PTCD3: variants seen among roughly 807,000 people sequenced by gnomAD.
PTCD3 encodes small ribosomal subunit protein mS39.
In PTCD3, 89 loss-of-function variants were observed where a neutral mutation model predicts 101.9. That is an observed-to-expected ratio of 0.87 (90% CI 0.74 to 1.04). PTCD3 has a LOEUF of 1.04. PTCD3 is among the 50% of genes least tolerant of loss of function. The pLI is 0.00. For missense variants in PTCD3, 870 were observed against 828.2 expected (o/e 1.05, Z -0.62); for synonymous variants, 296 against 278.5 (o/e 1.06, Z -0.63).
chr2:86,107,527 CATT>C (rs1388105621), intron 1 of PTCD3, among the ~76,000 whole-genome samples: 3 of 152,178 alleles, frequency 2.0e-5, no homozygotes, highest in African/African-American at 4.8e-5. Context: ...CTAACCGTCA[CATT>C]ATCTGTGGTG....
chr2:86,131,947 T>C (rs534448786), intron 16 of PTCD3, among the ~76,000 whole-genome samples: 32 of 152,372 alleles, frequency 2.1e-4, no homozygotes, highest in Non-Finnish European at 4.0e-4. Flanking sequence ...CAGGGTGTTT[T>C]ATTTGTTGGC....
chr2:86,131,219 T>A (rs778286609), intron 16 of PTCD3, 113 bp downstream of exon 16: 3 of 789,386 alleles, frequency 3.8e-6, no homozygotes, highest in Non-Finnish European at 5.8e-6. Flanking sequence ...TCTTTGCTTC[T>A]GTTTTTTCTT....
At chr2:86,114,183 T>A (rs1229749706) in intron 4 of PTCD3, among the ~76,000 whole-genome samples, 1 of 152,246 alleles carries the variant, frequency 6.6e-6, no homozygotes, top group Non-Finnish European at 1.5e-5. Context: ...CTGTGCTGGA[T>A]ATAGAATTAG....
intron 10 of PTCD3, 40 bp from the exon 11 acceptor site, chr2:86,125,415 A>G (rs779277365): frequency 6.3e-7 from 1 of 1,577,052 alleles, no homozygotes; most frequent in Admixed American, 1.7e-5. Flanking sequence ...GGACTTCTTA[A>G]GTAAATGAAT....
chr2:86,107,663 A>G (rs1472174074), intron 1 of PTCD3, among the ~76,000 whole-genome samples: 2 of 152,246 alleles, frequency 1.3e-5, no homozygotes, highest in East Asian at 3.8e-4. Context: ...GAAAATAGAA[A>G]ATATCAGCAA....
Position 86,137,915 on chromosome 2 carries a change from C to G in PTCD3, c.*356C>G. 4.3e-6 allele frequency: 1 copy of G among 234,932 alleles called. No individual in the cohort carries two copies. The allele number at this position is 234,932 out of a possible 1,614,324, so 14.6% of individuals were successfully genotyped here. A position where few individuals can be genotyped will look rare whatever the true frequency, so the allele number is the denominator to read the frequency against. On this transcript the variant is annotated 3_prime_UTR_variant, in exon 24 of 24. Transcript: ENST00000254630. ...CTCGTGCGATTGCCCTCTCCTGCTG[C>G]TGGACTTCTGCCTTTGTTGGCCTGA...
Position 86,130,744 on chromosome 2 carries a change from A to G in PTCD3, c.1237+7A>G. The stretch of plus-strand genomic sequence containing the variant: ...CCAAAGGACCCGGATGATGGCATGT[A>G]TAGAAATCACTTGTGTTTTCCTCCT... On this transcript the variant is annotated splice_region_variant and intron_variant, in intron 15 of 23. Coordinates refer to ENST00000254630, the MANE Select transcript of PTCD3 (RefSeq NM_017952.6). 6.2e-7 allele frequency: 1 copy of G among 1,613,170 alleles called. No individual in the cohort carries two copies. The highest frequency in any genetic ancestry group is 2.2e-5 in the East Asian group (1 of 44,864).
In PTCD3 at chr2:86,134,865, T is replaced by G. The variant is rs201179379; in HGVS notation, c.1656T>G (p.Ala552=). Residue 552 remains alanine, a synonymous_variant, in exon 21 of 24, where the codon GCT becomes GCG. Transcript: ENST00000254630. ...PELQVAFADC[A]ADIKSAYESQ... is the part of the protein sequence containing the mutation. ...TTCAGGTGGCATTTGCTGACTGTGC[T>G]GCTGATATCAAATCTGCGTATGAAA... 7.4e-6 allele frequency: 12 copies of G among 1,614,110 alleles called. No individual in the cohort carries two copies. Among genetic ancestry groups the G allele is most frequent in the Non-Finnish European group, 1.0e-5 (12 of 1,180,040 alleles).
rs149236941 is a variant in PTCD3 at position 86,119,038 on chromosome 2, C to T, written c.532C>T (p.Gln178Ter). ...ASVDMFDQLL[Q>*]AGTTVSLETT... ...TGTGGACATGTTTGATCAGCTTTTGCAAGCAGGTGACTGAGTTCGATTAAA... is the reference window on the plus strand; with the variant it reads ...TGTGGACATGTTTGATCAGCTTTTGTAAGCAGGTGACTGAGTTCGATTAAA... The change falls in exon 7 of 24, where the codon CAA becomes TAA. Residue 178 changes from glutamine to a stop codon, truncating the protein, a stop_gained. Coordinates refer to ENST00000254630, the MANE Select transcript of PTCD3 (RefSeq NM_017952.6). LOFTEE classifies it high-confidence loss of function. 30 of 1,613,548 alleles carry T rather than the reference C, an allele frequency of 1.9e-5. No homozygotes were observed. Among genetic ancestry groups the T allele is most frequent in the Non-Finnish European group, 2.5e-5 (30 of 1,179,920 alleles).
intron 15 of PTCD3, 93 bp downstream of exon 15, chr2:86,130,830 T>C: frequency 1.3e-6 from 2 of 1,496,318 alleles, no homozygotes; most frequent in Non-Finnish European, 1.8e-6. Flanking sequence ...CCCTATAGCT[T>C]AGAAGTATTT....
At position 86,106,332 on chromosome 2, in the gene PTCD3, G is replaced by C; in HGVS notation, c.85G>C (p.Glu29Gln). ...GACGGGTCGGCGGGCGGGTTTGTGT[G>C]AACAGGCACGCAGCTGCAGGTAAGA... ...PLTGRRAGLCEQARSCRFYSG... is the reference protein window; with the variant it reads ...PLTGRRAGLCQQARSCRFYSG... The change falls in exon 1 of 24, where the codon GAA (glutamate) becomes CAA (glutamine). Residue 29 changes from glutamate to glutamine, a missense_variant. Physicochemically the swap from Glu to Gln is conservative, Grantham distance 29. Transcript: ENST00000254630. 1 of 1,613,970 alleles carries C rather than the reference G, an allele frequency of 6.2e-7. No individual in the cohort carries two copies. Among genetic ancestry groups the C allele is most frequent in the Non-Finnish European group, 8.5e-7 (1 of 1,179,964 alleles).
intron 9 of PTCD3, 48 bp from the exon 10 acceptor site, chr2:86,124,947 A>G (rs781252038): frequency 1.1e-5 from 17 of 1,604,548 alleles, no homozygotes; most frequent in Non-Finnish European, 1.4e-5. Context: ...GGTAGCTCTC[A>G]TTGGTATTTC....
At chr2:86,111,566 C>T (rs367785294) in intron 4 of PTCD3, among the ~76,000 whole-genome samples, 399 of 150,852 alleles carry the variant, frequency 2.6e-3, no homozygotes, top group African/African-American at 8.6e-3. Context: ...CCAGCCTGGG[C>T]GAAAGAGCGA....
intron 12 of PTCD3, among the ~76,000 whole-genome samples, chr2:86,126,222 TC>T (rs1366069213): frequency 8.4e-6 from 1 of 119,564 alleles, no homozygotes; most frequent in East Asian, 2.5e-4. Context: ...AGAGCAAGAC[TC>T]CGTCTCAAAA....
intron 12 of PTCD3, among the ~76,000 whole-genome samples, chr2:86,126,674 CA>C (rs2104457099): frequency 6.6e-6 from 1 of 151,644 alleles, no homozygotes; most frequent in South Asian, 2.1e-4. Context: ...GTCTCTACTA[CA>C]AAAATACAAA....
intron 12 of PTCD3, 52 bp downstream of exon 12, chr2:86,125,932 C>T (rs1402542536): frequency 7.6e-7 from 1 of 1,310,628 alleles, no homozygotes; most frequent in Non-Finnish European, 1.1e-6. Flanking sequence ...TACTCTTTAC[C>T]AGAAATACAT....
At chr2:86,135,119 C>A in intron 21 of PTCD3, 132 bp downstream of exon 21, 1 of 1,067,626 alleles carries the variant, frequency 9.4e-7, no homozygotes, top group South Asian at 1.9e-5. Flanking sequence ...CAAATACCAA[C>A]TAAAAAGCAA....
At chr2:86,106,453 A>G (rs1015071098) in intron 1 of PTCD3, 102 bp downstream of exon 1, 3 of 1,242,672 alleles carry the variant, frequency 2.4e-6, no homozygotes, top group African/African-American at 1.5e-5. Flanking sequence ...TGGTTTGCTC[A>G]TGCGCGCCCT....
In PTCD3 at chr2:86,141,139, C is replaced by G. The variant is rs1384063419; in HGVS notation, c.*3580C>G. ...CAATGGCCCTTTCACAAGCTCTTGCCTCACAACCCCTGCAGAAGTCCTTCA... is the reference window on the plus strand; with the variant it reads ...CAATGGCCCTTTCACAAGCTCTTGCGTCACAACCCCTGCAGAAGTCCTTCA... On this transcript the variant is annotated 3_prime_UTR_variant, in exon 24 of 24. Coordinates refer to ENST00000254630, the MANE Select transcript of PTCD3 (RefSeq NM_017952.6). 6.6e-6 allele frequency: 1 copy of G among 152,166 alleles called. No homozygotes were observed. The highest frequency in any genetic ancestry group is 1.5e-5 in the Non-Finnish European group (1 of 68,036). The allele number at this position is 152,166 out of a possible 1,614,324, so 9.4% of individuals were successfully genotyped here.
Sources: allele counts gnomAD v4.1 joint callset (sites outside exome capture counted in the v4.1 genomes callset), GRCh38; gene constraint gnomAD v4.1.1; transcripts MANE v1.5; gene names NCBI Gene and HGNC (gene_info 2026-07-23, HGNC 2026-07-21).